PTPRS: variants seen among roughly 807,000 people sequenced by gnomAD.
The protein encoded by PTPRS is protein tyrosine phosphatase receptor type S.
Under a neutral mutation model 215.3 loss-of-function variants are expected in PTPRS, and 63 were observed. That is an observed-to-expected ratio of 0.29 (90% CI 0.24 to 0.36). PTPRS has a LOEUF of 0.36. PTPRS is among the 10% of genes least tolerant of loss of function. PTPRS has a pLI of 1.00. For missense variants in PTPRS, 2,258 were observed against 2,825.8 expected (o/e 0.80, Z 4.56); for synonymous variants, 1,404 against 1,191.4 (o/e 1.18, Z -3.68).
Position 5,229,689 on chromosome 19 carries a change from C to A in PTPRS, c.2156-5G>T, listed in dbSNP as rs2042849912. 8.6e-6 allele frequency: 3 copies of A among 350,604 alleles called. No homozygotes were observed. The South Asian group carries it at 2.1e-4, about 25-fold the overall frequency. 21.7% of individuals were successfully genotyped at this position (350,604 alleles called of 1,614,324 possible). Reference sequence around the variant, plus strand: ...TCCGCGGCGGCGCGCTGGGCACTGGCGGGCGGGAGGGGAGGGGAGGGGCGG... The same window carrying A: ...TCCGCGGCGGCGCGCTGGGCACTGGAGGGCGGGAGGGGAGGGGAGGGGCGG... On this transcript the variant is annotated splice_polypyrimidine_tract_variant and splice_region_variant and intron_variant, in intron 14 of 37. Transcript: ENST00000262963.
chr19:5,272,182 C>A (rs1599849669), intron 4 of PTPRS, among the ~76,000 whole-genome samples: 1 of 152,118 alleles, frequency 6.6e-6, no homozygotes, highest in Non-Finnish European at 1.5e-5. Context: ...AGTGGTTGGG[C>A]AAGGGTTTGT....
Position 5,231,495 on chromosome 19 carries a change from C to T in PTPRS, c.1970G>A (p.Arg657His), listed in dbSNP as rs1386910242. 4 of 1,612,602 alleles carry T rather than the reference C, an allele frequency of 2.5e-6. No individual in the cohort carries two copies. The highest frequency in any genetic ancestry group is 2.5e-6 in the Non-Finnish European group (3 of 1,179,878). Residue 657 changes from arginine (R) to histidine (H), a missense_variant, in exon 14 of 38, where the codon CGC (arginine) becomes CAC (histidine). Physicochemically the swap from Arg to His is conservative, Grantham distance 29. Coordinates refer to ENST00000262963, the MANE Select transcript of PTPRS (RefSeq NM_002850.4). ...HNGALVGYSV[R>H]YRPLGSEDPE... ...GTCCTCTGAGCCCAGCGGTCGGTAG[C>T]GGACGCTGTAGCCCACCAGGGCCCC...
At chr19:5,229,059 C>T (rs1364718533) in intron 16 of PTPRS, among the ~76,000 whole-genome samples, 1 of 152,236 alleles carries the variant, frequency 6.6e-6, no homozygotes, top group Non-Finnish European at 1.5e-5. Flanking sequence ...GATTCAGGGA[C>T]GACCCTCAGG....
chr19:5,260,450 G>A (rs1206488270), intron 7 of PTPRS, among the ~76,000 whole-genome samples: 1 of 152,130 alleles, frequency 6.6e-6, no homozygotes, highest in East Asian at 1.9e-4. Context: ...ACAGTGCTGG[G>A]ATTACAGGCG....
chr19:5,324,404 C>G (rs991387581), intron 1 of PTPRS, among the ~76,000 whole-genome samples: 2 of 152,154 alleles, frequency 1.3e-5, no homozygotes, highest in Non-Finnish European at 2.9e-5. Context: ...TGGCAGGACC[C>G]AGGAGAAGAC....
intron 6 of PTPRS, 89 bp downstream of exon 6, chr19:5,262,875 G>A: frequency 1.5e-6 from 2 of 1,351,022 alleles, no homozygotes; most frequent in South Asian, 1.2e-5. Context: ...CATCACGGTG[G>A]CTGTTAGTTT....
intron 1 of PTPRS, among the ~76,000 whole-genome samples, chr19:5,333,737 A>G (rs982281247): frequency 6.6e-6 from 1 of 152,110 alleles, no homozygotes; most frequent in Non-Finnish European, 1.5e-5. Context: ...CAGATCAGGA[A>G]ACTGAGGCAC....
chr19:5,258,917 C>G (rs1339472042), intron 7 of PTPRS, among the ~76,000 whole-genome samples: 1 of 152,176 alleles, frequency 6.6e-6, no homozygotes, highest in Non-Finnish European at 1.5e-5. Flanking sequence ...TATTTAAAAC[C>G]ACAAGCCTGA....
At chr19:5,317,987 C>A (rs112455330) in intron 1 of PTPRS, among the ~76,000 whole-genome samples, 1 of 152,062 alleles carries the variant, frequency 6.6e-6, no homozygotes, top group Non-Finnish European at 1.5e-5. Context: ...CTGCTTCACA[C>A]GGTGAAACCC....
rs570318827 is a variant in PTPRS at position 5,289,847 on chromosome 19, A to C, written c.-94-3613T>G. On this transcript the variant is annotated intron_variant, in intron 1 of 37. Coordinates refer to ENST00000262963, the MANE Select transcript of PTPRS (RefSeq NM_002850.4). Reference sequence around the variant, plus strand: ...GATGAGGACAGAGAGGTGCACATAGACTAGACCCACAGAGCAGCCAGGAGC... The same window carrying C: ...GATGAGGACAGAGAGGTGCACATAGCCTAGACCCACAGAGCAGCCAGGAGC... Among the ~76,000 whole-genome samples the C allele has an allele frequency of 1.9e-4, 29 of 152,274 alleles. No individual in the cohort carries two copies. In the South Asian group the frequency reaches 6.0e-3, roughly 32 times the overall value.
intron 5 of PTPRS, among the ~76,000 whole-genome samples, chr19:5,264,491 T>A (rs1178700503): frequency 2.0e-5 from 3 of 152,212 alleles, no homozygotes; most frequent in African/African-American, 7.2e-5. Context: ...TTCTTTCTTT[T>A]CAGAGATGAG....
chr19:5,206,381 G>C lies in PTPRS; in HGVS notation c.*393C>G, dbSNP rs2040367548. On this transcript the variant is annotated 3_prime_UTR_variant, in exon 38 of 38. Coordinates refer to ENST00000262963, the MANE Select transcript of PTPRS (RefSeq NM_002850.4). ...CAGTGTCCCCAGGCTGCAGAGCGGG[G>C]AGGAGCCCCCCGGGTCCCCCTACCA... is the stretch of plus-strand genomic sequence containing the variant. 4.0e-6 allele frequency: 1 copy of C among 252,676 alleles called. No individual in the cohort carries two copies. The allele number at this position is 252,676 out of a possible 1,614,324, so 15.7% of individuals were successfully genotyped here.
intron 1 of PTPRS, among the ~76,000 whole-genome samples, chr19:5,335,878 G>A (rs933428191): frequency 4.6e-5 from 7 of 152,148 alleles, no homozygotes; most frequent in African/African-American, 1.7e-4. Flanking sequence ...CGGCCTCTGC[G>A]GGGCGCAGAG....
rs771439798 is a variant in PTPRS, at chr19:5,244,027, C to A, written c.1444G>T (p.Asp482Tyr). Residue 482 changes from aspartate (D) to tyrosine (Y), a missense_variant, in exon 11 of 38, where the codon GAC becomes TAC. Physicochemically the swap from Asp to Tyr is radical, Grantham distance 160 (BLOSUM62 -3). Coordinates refer to ENST00000262963, the MANE Select transcript of PTPRS (RefSeq NM_002850.4). The surrounding 1 kb of genome is among the most constrained non-coding windows in gnomAD (Gnocchi z 7.2). The part of the protein sequence containing the change: ...VGNWQKHNVD[D>Y]SLLTTVGSLL... ...CTGCCCACGGTGGTCAGCAGGCTGT[C>A]GTCCACGTTGTGCTTCTGCCAGTTG... 2 of 1,608,946 alleles carry A rather than the reference C, an allele frequency of 1.2e-6. No individual in the cohort carries two copies. The highest frequency in any genetic ancestry group is 2.2e-5 in the East Asian group (1 of 44,862).
chr19:5,303,647 G>C (rs1316314658), intron 1 of PTPRS, among the ~76,000 whole-genome samples: 1 of 151,960 alleles, frequency 6.6e-6, no homozygotes, highest in Non-Finnish European at 1.5e-5. Context: ...AGCAGGGGCA[G>C]GATTTGAGGG....
chr19:5,303,019 G>A (rs894288754), intron 1 of PTPRS, among the ~76,000 whole-genome samples: 3 of 151,940 alleles, frequency 2.0e-5, no homozygotes, highest in Non-Finnish European at 2.9e-5. Context: ...GCAGTGAGCC[G>A]AGATGGCACC....
chr19:5,216,092 A>G (rs1568382292), intron 26 of PTPRS, among the ~76,000 whole-genome samples: 1 of 152,116 alleles, frequency 6.6e-6, no homozygotes, highest in Non-Finnish European at 1.5e-5. Flanking sequence ...GCTTCCAGGT[A>G]GAGGCGACAG....
chr19:5,230,908 A>C (rs1169003662), intron 14 of PTPRS, among the ~76,000 whole-genome samples: 1 of 152,216 alleles, frequency 6.6e-6, no homozygotes, highest in Non-Finnish European at 1.5e-5. Flanking sequence ...GGGAACATTT[A>C]CACCATGGAA....
Position 5,206,616 on chromosome 19 carries a change from C to T in PTPRS, c.*158G>A, listed in dbSNP as rs998233259. 9.9e-6 allele frequency: 6 copies of T among 605,664 alleles called. No homozygotes were observed. The highest frequency in any genetic ancestry group is 3.1e-5 in the East Asian group (1 of 32,136). 37.5% of individuals were successfully genotyped at this position (605,664 alleles called of 1,614,324 possible). On this transcript the variant is annotated 3_prime_UTR_variant, in exon 38 of 38. Transcript: ENST00000262963. ...GGCGGCCGGGGCCGGTGGGGGGGCTCGAGGGGCTGCGTCGTCCTCGGAAAT... is the reference window on the plus strand; with the variant it reads ...GGCGGCCGGGGCCGGTGGGGGGGCTTGAGGGGCTGCGTCGTCCTCGGAAAT...
Sources: allele counts gnomAD v4.1 joint callset (sites outside exome capture counted in the v4.1 genomes callset), GRCh38; gene constraint gnomAD v4.1.1; non-coding constraint Gnocchi (gnomAD v3.1); transcripts MANE v1.5; gene names NCBI Gene and HGNC (gene_info 2026-07-23, HGNC 2026-07-21).